Variants in TBL1XR1 observed in about 807,000 individuals in gnomAD.
TBL1XR1 encodes the protein F-box-like/WD repeat-containing protein TBL1XR1.
Under a neutral mutation model 66.9 loss-of-function variants are expected in TBL1XR1, and 5 were observed. The observed-to-expected ratio is 0.07, with a 90% confidence interval of 0.04 to 0.16. The LOEUF (loss-of-function observed/expected upper bound fraction) is 0.16, where lower values mean the gene tolerates loss of function less well. TBL1XR1 is among the 10% of genes least tolerant of loss of function. TBL1XR1 has a pLI of 1.00. For synonymous variants in TBL1XR1, 210 were observed against 206.0 expected (o/e 1.02, Z -0.17); for missense variants, 238 against 623.2 (o/e 0.38, Z 6.58).
At chr3:177,044,006 CA>C (rs1715978046) in intron 10 of TBL1XR1, among the ~76,000 whole-genome samples, 1 of 152,092 alleles carries the variant, frequency 6.6e-6, no homozygotes, top group African/African-American at 2.4e-5. Flanking sequence ...TTAGTCTGCC[CA>C]AAGTTTTATC....
chr3:177,142,216 G>C (rs1729717204), intron 1 of TBL1XR1, among the ~76,000 whole-genome samples: 1 of 152,184 alleles, frequency 6.6e-6, no homozygotes. Context: ...AGTGGTGTTT[G>C]ACAGCAATTT....
chr3:177,195,123 C>G (rs945840260), intron 1 of TBL1XR1, among the ~76,000 whole-genome samples: 1 of 151,264 alleles, frequency 6.6e-6, no homozygotes, highest in Non-Finnish European at 1.5e-5. Flanking sequence ...ACAACTCAAA[C>G]GTCAAAAAAA....
At position 177,038,449 on chromosome 3, in the gene TBL1XR1, A is replaced by AG; in HGVS notation, c.926-16dup. The AG allele has an allele frequency of 6.6e-7, 1 of 1,507,842 alleles. No homozygotes were observed. The highest frequency in any genetic ancestry group is 8.9e-7 in the Non-Finnish European group (1 of 1,125,732). 93.4% of individuals were successfully genotyped at this position (1,507,842 alleles called of 1,614,324 possible). A position where few individuals can be genotyped will look rare whatever the true frequency, so the allele number is the denominator to read the frequency against. On this transcript the variant is annotated splice_polypyrimidine_tract_variant and intron_variant, in intron 10 of 15. Transcript: ENST00000457928. The stretch of plus-strand genomic sequence containing the variant: ...CAATGCTGGTGCTGCAAAGGAACAA[A>AG]GGTTAGATTTGCTTTTATTCCACAT...
chr3:177,077,817 C>T (rs962931976), intron 2 of TBL1XR1, among the ~76,000 whole-genome samples: 1 of 152,216 alleles, frequency 6.6e-6, no homozygotes, highest in African/African-American at 2.4e-5. Flanking sequence ...TACTTTCCTC[C>T]TGTACCCCTA....
chr3:177,097,187 A>G (rs1723604628), intron 2 of TBL1XR1, among the ~76,000 whole-genome samples: 1 of 152,232 alleles, frequency 6.6e-6, no homozygotes, highest in African/African-American at 2.4e-5. Context: ...ATTTCCCACC[A>G]AATTCTATAA....
At chr3:177,121,046 T>C (rs1418497539) in intron 1 of TBL1XR1, among the ~76,000 whole-genome samples, 2 of 152,196 alleles carry the variant, frequency 1.3e-5, no homozygotes, top group African/African-American at 2.4e-5. Flanking sequence ...CTACAATTCC[T>C]TTCTAAGAGC....
At chr3:177,037,236 T>C (rs1714924058) in intron 12 of TBL1XR1, among the ~76,000 whole-genome samples, 1 of 152,190 alleles carries the variant, frequency 6.6e-6, no homozygotes, top group Non-Finnish European at 1.5e-5. Flanking sequence ...TGAGTACTTA[T>C]TAAGTCAAAT....
At chr3:177,048,872 A>G (rs1716667957) in intron 7 of TBL1XR1, among the ~76,000 whole-genome samples, 1 of 152,224 alleles carries the variant, frequency 6.6e-6, no homozygotes, top group South Asian at 2.1e-4. Context: ...TTTCAGTGTA[A>G]ACTATAAATT....
intron 1 of TBL1XR1, among the ~76,000 whole-genome samples, chr3:177,118,473 G>C (rs34329425): frequency 0.43 from 64,957 of 151,850 alleles, 14,614 homozygotes; most frequent in Middle Eastern, 0.56. Flanking sequence ...TTAAAATGCA[G>C]CTTCTTATAC....
chr3:177,043,997 T>C (rs968649170), intron 10 of TBL1XR1, among the ~76,000 whole-genome samples: 1 of 152,146 alleles, frequency 6.6e-6, no homozygotes, highest in Non-Finnish European at 1.5e-5. Flanking sequence ...ATGTAGGTAT[T>C]AGTCTGCCCA....
chr3:177,024,406 T>C lies in TBL1XR1; in HGVS notation c.*1092A>G, dbSNP rs1156877910. Reference sequence around the variant, plus strand: ...CTGGAGTTTGGTTACATTACATATTTAAGCTTCTACACAGAATGATGGACA... The same window carrying C: ...CTGGAGTTTGGTTACATTACATATTCAAGCTTCTACACAGAATGATGGACA... On this transcript the variant is annotated 3_prime_UTR_variant, in exon 16 of 16. Coordinates refer to ENST00000457928, the MANE Select transcript of TBL1XR1 (RefSeq NM_024665.7). 6.6e-6 allele frequency: 1 copy of C among 152,548 alleles called. No homozygotes were observed. Among genetic ancestry groups the C allele is most frequent in the African/African-American group, 2.4e-5 (1 of 41,438 alleles). 9.4% of individuals were successfully genotyped at this position (152,548 alleles called of 1,614,324 possible). A position where few individuals can be genotyped will look rare whatever the true frequency, so the allele number is the denominator to read the frequency against.
intron 1 of TBL1XR1, among the ~76,000 whole-genome samples, chr3:177,142,723 T>A (rs1729772831): frequency 6.6e-6 from 1 of 152,198 alleles, no homozygotes; most frequent in South Asian, 2.1e-4. Flanking sequence ...TTTAAAATAA[T>A]AAATTTACAA....
intron 2 of TBL1XR1, among the ~76,000 whole-genome samples, chr3:177,071,374 G>A (rs576446059): frequency 1.9e-4 from 29 of 152,182 alleles, no homozygotes; most frequent in African/African-American, 6.3e-4. Context: ...ACTACCCACA[G>A]TAATGTTTAT....
At chr3:177,103,543 C>T (rs1316424553) in intron 1 of TBL1XR1, among the ~76,000 whole-genome samples, 1 of 152,112 alleles carries the variant, frequency 6.6e-6, no homozygotes, top group African/African-American at 2.4e-5. Flanking sequence ...GTTTTTTTAA[C>T]ATGGAAAAAT....
chr3:177,131,622 C>T (rs1053951185), intron 1 of TBL1XR1, among the ~76,000 whole-genome samples: 2 of 151,498 alleles, frequency 1.3e-5, no homozygotes, highest in Non-Finnish European at 2.9e-5. Context: ...GTGATTCTCC[C>T]GCCTCAGCCT....
In TBL1XR1 at chr3:177,084,907, G is replaced by A. The variant is rs538438038; in HGVS notation, c.-46+13559C>T. 1.4e-4 allele frequency among the ~76,000 whole-genome samples: 21 copies of A among 152,256 alleles called. No individual in the cohort carries two copies. The South Asian group carries it at 3.9e-3, about 29-fold the overall frequency. On this transcript the variant is annotated intron_variant, in intron 2 of 15. Coordinates refer to ENST00000457928, the MANE Select transcript of TBL1XR1 (RefSeq NM_024665.7). ...CAGAAATTGTAGTTACTATTTGTGG[G>A]AGGATTTGTTCCATAGCAGCCACTA...
At chr3:177,058,062 G>A (rs1183954728) in intron 3 of TBL1XR1, among the ~76,000 whole-genome samples, 1 of 152,050 alleles carries the variant, frequency 6.6e-6, no homozygotes, top group African/African-American at 2.4e-5. Flanking sequence ...TTGCAAATAG[G>A]CAATACAAGA....
chr3:177,089,036 G>A (rs1300861528), intron 2 of TBL1XR1, among the ~76,000 whole-genome samples: 1 of 152,176 alleles, frequency 6.6e-6, no homozygotes, highest in African/African-American at 2.4e-5. Flanking sequence ...GCAGCGACCT[G>A]TTGGCAGGGT....
chr3:177,136,339 T>TA (rs1158689449), intron 1 of TBL1XR1: 3 of 152,074 alleles, frequency 2.0e-5, no homozygotes, highest in African/African-American at 7.2e-5. Flanking sequence ...AAAGTACGGA[T>TA]CTCGGCTCAC....
Sources: allele counts gnomAD v4.1 joint callset (sites outside exome capture counted in the v4.1 genomes callset), GRCh38; gene constraint gnomAD v4.1.1; transcripts MANE v1.5; gene names NCBI Gene and HGNC (gene_info 2026-07-23, HGNC 2026-07-21).